The following HKDC1 variants were observed in gnomAD, a reference collection of about 807,000 sequenced individuals.
HKDC1 encodes the protein hexokinase domain containing 1, also known as hexokinase HKDC1.
In HKDC1, 66 loss-of-function variants were observed where a neutral mutation model predicts 96.6. That is an observed-to-expected ratio of 0.68 (90% CI 0.56 to 0.84). HKDC1 has a LOEUF of 0.84. Among genes scored for constraint, HKDC1 ranks in the 40% least tolerant of loss-of-function variants. The pLI is 0.00. For missense variants in HKDC1, 1,211 were observed against 1,208.1 expected, an observed-to-expected ratio of 1.00 and a Z score of -0.04; for synonymous variants, 466 against 473.1, an observed-to-expected ratio of 0.98 and a Z score of 0.20.
At chr10:69,259,024 G>T in intron 15 of HKDC1, 65 bp downstream of exon 15, 1 of 1,280,968 alleles carries the variant, frequency 7.8e-7, no homozygotes, top group Admixed American at 3.3e-5. Flanking sequence ...AGACCTAAGG[G>T]GGTACCATAG....
chr10:69,241,088 CAA>C (rs1564729846), intron 6 of HKDC1, among the ~76,000 whole-genome samples: 2 of 152,068 alleles, frequency 1.3e-5, no homozygotes, highest in African/African-American at 4.8e-5. Context: ...AAACAAAAAA[CAA>C]AGAGAGTGAT....
At chr10:69,265,074 A>T (rs1366811667) in intron 16 of HKDC1, among the ~76,000 whole-genome samples, 1 of 152,230 alleles carries the variant, frequency 6.6e-6, no homozygotes, top group African/African-American at 2.4e-5. Flanking sequence ...AAGAGCAGAG[A>T]AATGAGAAAA....
intron 5 of HKDC1, among the ~76,000 whole-genome samples, chr10:69,239,435 G>C (rs1295709168): frequency 6.6e-6 from 1 of 152,206 alleles, no homozygotes; most frequent in East Asian, 1.9e-4. Context: ...ATCTGATGCT[G>C]TGTGTAGGCC....
chr10:69,221,289 C>A lies in HKDC1; in HGVS notation c.63+791C>A, dbSNP rs111427196. ...GCACCTGCTATTTGCCAATGGTACA[C>A]TATTCATGGTGTGCATTATTTTGTC... On this transcript the variant is annotated intron_variant, in intron 1 of 17. Coordinates refer to ENST00000354624, the MANE Select transcript of HKDC1 (RefSeq NM_025130.4). Among the ~76,000 whole-genome samples the A allele has an allele frequency of 4.6e-5, 7 of 152,242 alleles. 1 individual carries two copies. The highest frequency in any genetic ancestry group is 1.7e-4 in the African/African-American group (7 of 41,534).
At chr10:69,240,535 G>A in intron 5 of HKDC1, 117 bp from the exon 6 acceptor site, 1 of 750,046 alleles carries the variant, frequency 1.3e-6, no homozygotes, top group Admixed American at 2.1e-5. Context: ...AGGCCCAGCA[G>A]GCAGGATCTA....
In HKDC1 at chr10:69,238,368, C is replaced by CT. The variant is rs55819248; in HGVS notation, c.496-655dup. Among the ~76,000 whole-genome samples, 325 of 61,430 alleles carry CT rather than the reference C, an allele frequency of 5.3e-3. 86 individuals are homozygous for CT. The highest frequency in any genetic ancestry group is 0.025 in the African/African-American group (304 of 12,182). The allele number at this position is 61,430 out of a possible 152,430, so 40.3% of individuals were successfully genotyped here. A position where few individuals can be genotyped will look rare whatever the true frequency, so the allele number is the denominator to read the frequency against. ...GCATGTATAATACACCAGGTATTTT[C>CT]TTTTTTTTTTTTTTTTTTTGAGACG... is the stretch of plus-strand genomic sequence containing the variant. On this transcript the variant is annotated intron_variant, in intron 4 of 17. Transcript: ENST00000354624.
At chr10:69,220,891 T>C (rs1589398492) in intron 1 of HKDC1, among the ~76,000 whole-genome samples, 2 of 152,366 alleles carry the variant, frequency 1.3e-5, no homozygotes, top group African/African-American at 4.8e-5. Context: ...GGCTCACGCC[T>C]GTAATCCTAG....
chr10:69,267,061 C>G lies in HKDC1; in HGVS notation c.*304C>G, dbSNP rs1843914058. ...GGCTTGAGCTGTCAATTCTCTATGG[C>G]TTTCAGTCTTGTGGCTGCGGGACTT... On this transcript the variant is annotated 3_prime_UTR_variant, in exon 18 of 18. Coordinates refer to ENST00000354624, the MANE Select transcript of HKDC1 (RefSeq NM_025130.4). 3.9e-6 allele frequency: 1 copy of G among 256,596 alleles called. No homozygotes were observed. The highest frequency in any genetic ancestry group is 7.4e-6 in the Non-Finnish European group (1 of 134,776). The allele number at this position is 256,596 out of a possible 1,614,324, so 15.9% of individuals were successfully genotyped here. A position where few individuals can be genotyped will look rare whatever the true frequency, so the allele number is the denominator to read the frequency against.
chr10:69,223,893 A>C (rs1843107733), intron 1 of HKDC1, among the ~76,000 whole-genome samples: 1 of 149,762 alleles, frequency 6.7e-6, no homozygotes, highest in Admixed American at 6.6e-5. Context: ...TCATTTGGAT[A>C]CTTTCAAAAA....
chr10:69,245,712 C>T (rs963481681), intron 7 of HKDC1, among the ~76,000 whole-genome samples: 1 of 152,080 alleles, frequency 6.6e-6, no homozygotes. Flanking sequence ...TGTTGTAGAG[C>T]CTGTCTGGGG....
Position 69,246,099 on chromosome 10 carries a change from G to T in HKDC1, c.896G>T (p.Gly299Val). 2 of 1,614,230 alleles carry T rather than the reference G, an allele frequency of 1.2e-6. No individual in the cohort carries two copies. The highest frequency in any genetic ancestry group is 2.2e-5 in the South Asian group (2 of 91,088). ...TGCAGGTTCGAGAAGATGATCAGTG[G>T]CCTGTACCTGGGGGAGCTTGTCAGG... ...GKQLFEKMIS[G>V]LYLGELVRLI... The change falls in exon 8 of 18, where the codon GGC becomes GTC. Residue 299 changes from glycine to valine, a missense_variant. Coordinates refer to ENST00000354624, the MANE Select transcript of HKDC1 (RefSeq NM_025130.4).
intron 16 of HKDC1, among the ~76,000 whole-genome samples, chr10:69,263,150 A>G (rs1405314280): frequency 6.6e-6 from 1 of 151,858 alleles, no homozygotes; most frequent in African/African-American, 2.4e-5. Context: ...GTGCATCCTC[A>G]ACCTCCCGGG....
chr10:69,264,602 A>C (rs1396973918), intron 16 of HKDC1, among the ~76,000 whole-genome samples: 1 of 152,194 alleles, frequency 6.6e-6, no homozygotes, highest in Non-Finnish European at 1.5e-5. Context: ...CCTGGCCTAA[A>C]GTGATTCTCC....
intron 2 of HKDC1, among the ~76,000 whole-genome samples, chr10:69,228,952 G>A (rs1044694277): frequency 5.9e-5 from 9 of 151,868 alleles, no homozygotes; most frequent in African/African-American, 9.7e-5. Context: ...GAGAAAGAAA[G>A]AAAGAGAAAG....
chr10:69,224,367 T>C (rs776457858), intron 1 of HKDC1, among the ~76,000 whole-genome samples: 18 of 152,160 alleles, frequency 1.2e-4, no homozygotes, highest in Non-Finnish European at 2.5e-4. Flanking sequence ...CACTGCCAGC[T>C]CTGCCTCCTG....
In HKDC1 at chr10:69,236,767, T is replaced by C. The variant is rs112474262; in HGVS notation, c.496-2275T>C. Among the ~76,000 whole-genome samples, 742 of 130,034 alleles carry C rather than the reference T, an allele frequency of 5.7e-3. 5 individuals carry two copies. The highest frequency in any genetic ancestry group is 0.023 in the African/African-American group (709 of 30,884). 85.3% of individuals were successfully genotyped at this position (130,034 alleles called of 152,430 possible). A position where few individuals can be genotyped will look rare whatever the true frequency, so the allele number is the denominator to read the frequency against. On this transcript the variant is annotated intron_variant, in intron 4 of 17. Coordinates refer to ENST00000354624, the MANE Select transcript of HKDC1 (RefSeq NM_025130.4). ...TGCACTCCAGCCTGGGCAACAAGAG[T>C]GAAACTTCGTTTCAAAAAAAAAAAA...
rs756287456 is a variant in HKDC1 at position 69,239,588 on chromosome 10, T to G, written c.591+451T>G. ...TTGTTGAACGTATTTTACAATAATT[T>G]AAACTACTGCGAAAGCAAGACTCGC... On this transcript the variant is annotated intron_variant, in intron 5 of 17. Coordinates refer to ENST00000354624, the MANE Select transcript of HKDC1 (RefSeq NM_025130.4). Among the ~76,000 whole-genome samples the G allele has an allele frequency of 1.3e-5, 2 of 152,328 alleles. 1 individual carries two copies. Among genetic ancestry groups the G allele is most frequent in the Non-Finnish European group, 2.9e-5 (2 of 68,034 alleles).
chr10:69,266,858 C>T lies in HKDC1; in HGVS notation c.*101C>T, dbSNP rs934183897. On this transcript the variant is annotated 3_prime_UTR_variant, in exon 18 of 18. Coordinates refer to ENST00000354624, the MANE Select transcript of HKDC1 (RefSeq NM_025130.4). ...CAATGGGCACCCTCCTGGCTGACCT[C>T]ACCTTCTGGATGGCCGAAAGAGAAC... is the stretch of plus-strand genomic sequence containing the variant. The T allele has an allele frequency of 2.6e-5, 32 of 1,247,386 alleles. No homozygotes were observed. The highest frequency in any genetic ancestry group is 3.2e-5 in the Non-Finnish European group (29 of 898,450). The allele number at this position is 1,247,386 out of a possible 1,614,324, so 77.3% of individuals were successfully genotyped here.
At position 69,241,925 on chromosome 10, in the gene HKDC1, G is replaced by A. The variant is rs559020321; in HGVS notation, c.691+1174G>A. On this transcript the variant is annotated intron_variant, in intron 6 of 17. Transcript: ENST00000354624. ...ACTGCAGCTGTGGACCAGAGAGGTC[G>A]TGGTGCAGTGGGGGTTTCCAGTGGG... is the stretch of plus-strand genomic sequence containing the variant. Among the ~76,000 whole-genome samples the A allele has an allele frequency of 1.1e-4, 17 of 152,314 alleles. No homozygotes were observed. The South Asian group carries it at 2.5e-3, about 22-fold the overall frequency.
Sources: allele counts gnomAD v4.1 joint callset (sites outside exome capture counted in the v4.1 genomes callset), GRCh38; gene constraint gnomAD v4.1.1; transcripts MANE v1.5; gene names NCBI Gene and HGNC (gene_info 2026-07-23, HGNC 2026-07-21).